Variants in PIP5K1B observed in about 807,000 individuals in gnomAD.
PIP5K1B encodes the protein phosphatidylinositol-4-phosphate 5-kinase type 1 beta, also known as phosphatidylinositol 4-phosphate 5-kinase type-1 beta.
Under a neutral mutation model 67.0 loss-of-function variants are expected in PIP5K1B, and 42 were observed. The ratio of observed to expected loss-of-function variants is 0.63; its 90% CI spans 0.49 to 0.81. The LOEUF (loss-of-function observed/expected upper bound fraction) is 0.81, where lower values mean the gene tolerates loss of function less well. PIP5K1B is among the 30% of genes least tolerant of loss of function. The probability of loss-of-function intolerance (pLI) is 0.00; values close to 1 mark genes in which losing one functional copy is unlikely to be tolerated. For missense variants in PIP5K1B, 459 were observed against 646.3 expected (o/e 0.71, Z 3.14); for synonymous variants, 214 against 231.4 (o/e 0.92, Z 0.68).
chr9:68,985,279 T>G (rs1478645805), intron 14 of PIP5K1B, among the ~76,000 whole-genome samples: 1 of 150,010 alleles, frequency 6.7e-6, no homozygotes. Context: ...TGAGACAGAG[T>G]CTCACTCTGT....
chr9:68,717,690 T>C (rs1254399531), intron 1 of PIP5K1B, among the ~76,000 whole-genome samples: 1 of 152,120 alleles, frequency 6.6e-6, no homozygotes, highest in Non-Finnish European at 1.5e-5. Context: ...AATACCATCA[T>C]CTTGGGGTTA....
At chr9:68,767,371 A>T (rs543811061) in intron 2 of PIP5K1B, among the ~76,000 whole-genome samples, 1 of 152,136 alleles carries the variant, frequency 6.6e-6, no homozygotes, top group Non-Finnish European at 1.5e-5. Context: ...AGGCGGGTGG[A>T]TCACTTAAGG....
intron 9 of PIP5K1B, 62 bp downstream of exon 9, chr9:68,917,821 T>A: frequency 8.3e-7 from 1 of 1,209,022 alleles, no homozygotes; most frequent in Non-Finnish European, 1.2e-6. Flanking sequence ...ACTGGGTAAT[T>A]ATAGACAGTC....
At chr9:68,713,399 CAAAAG>C (rs1202194577) in intron 1 of PIP5K1B, among the ~76,000 whole-genome samples, 2 of 152,146 alleles carry the variant, frequency 1.3e-5, no homozygotes, top group East Asian at 1.9e-4. Flanking sequence ...AACTCCGACT[CAAAAG>C]AAAAGAAAAG....
At chr9:68,957,452 G>T (rs889091678) in intron 14 of PIP5K1B, among the ~76,000 whole-genome samples, 1 of 152,132 alleles carries the variant, frequency 6.6e-6, no homozygotes, top group African/African-American at 2.4e-5. Flanking sequence ...CTAGGTTCAT[G>T]CCTATAACCC....
At chr9:68,967,876 T>A (rs1177509232) in intron 14 of PIP5K1B, among the ~76,000 whole-genome samples, 1 of 152,040 alleles carries the variant, frequency 6.6e-6, no homozygotes, top group Non-Finnish European at 1.5e-5. Flanking sequence ...AGTCAAAGGC[T>A]CACCCCCATG....
chr9:68,807,459 C>T (rs934660477), intron 2 of PIP5K1B, among the ~76,000 whole-genome samples: 4 of 152,234 alleles, frequency 2.6e-5, no homozygotes, highest in African/African-American at 9.6e-5. Flanking sequence ...TTTAACAGTT[C>T]TTCCTGCTTC....
chr9:68,909,740 C>T (rs553932648), intron 8 of PIP5K1B, among the ~76,000 whole-genome samples: 3 of 152,288 alleles, frequency 2.0e-5, no homozygotes, highest in East Asian at 3.9e-4. Context: ...AGATTTAGGT[C>T]TGACTTCATA....
intron 4 of PIP5K1B, among the ~76,000 whole-genome samples, chr9:68,851,007 C>T (rs939312278): frequency 2.0e-5 from 3 of 152,140 alleles, no homozygotes; most frequent in African/African-American, 7.2e-5. Flanking sequence ...GATGGCCTGT[C>T]TCTTTTTAGG....
At chr9:68,783,899 T>C (rs190233475) in intron 2 of PIP5K1B, 1 of 163,526 alleles carries the variant, frequency 6.1e-6, no homozygotes, top group African/African-American at 2.5e-5. Context: ...ATTTGCTTCC[T>C]GTTCTCATGA....
chr9:68,975,890 C>T (rs745411505), intron 14 of PIP5K1B, among the ~76,000 whole-genome samples: 2 of 152,080 alleles, frequency 1.3e-5, no homozygotes, highest in Non-Finnish European at 2.9e-5. Flanking sequence ...CCAGTCATAC[C>T]GAAGTAGGAC....
At chr9:68,781,333 T>G in intron 2 of PIP5K1B, 2 of 251,208 alleles carry the variant, frequency 8.0e-6, no homozygotes, top group Non-Finnish European at 1.6e-5. Context: ...CTGAGAGCTC[T>G]ATTTATTTAT....
intron 1 of PIP5K1B, among the ~76,000 whole-genome samples, chr9:68,712,142 A>T (rs1827422501): frequency 6.6e-6 from 1 of 152,170 alleles, no homozygotes; most frequent in African/African-American, 2.4e-5. Context: ...CATGGTAATG[A>T]GTGAGCTCTT....
intron 15 of PIP5K1B, 28 bp from the exon 16 acceptor site, chr9:69,008,419 C>T: frequency 6.2e-7 from 1 of 1,612,876 alleles, no homozygotes; most frequent in Non-Finnish European, 8.5e-7. Context: ...AAAATCTAGT[C>T]TCACACCTGC....
chr9:68,784,755 C>T (rs1300126515), intron 2 of PIP5K1B: 3 of 154,656 alleles, frequency 1.9e-5, no homozygotes, highest in Non-Finnish European at 4.4e-5. Context: ...CACCAGAGAA[C>T]AGAAGAAAGA....
intron 1 of PIP5K1B, among the ~76,000 whole-genome samples, chr9:68,713,354 G>A (rs1449141031): frequency 6.6e-6 from 1 of 152,102 alleles, no homozygotes; most frequent in African/African-American, 2.4e-5. Context: ...AGCCAAGATC[G>A]CACCATTGCA....
intron 13 of PIP5K1B, among the ~76,000 whole-genome samples, chr9:68,939,824 T>G (rs1384597351): frequency 6.6e-6 from 1 of 152,188 alleles, no homozygotes; most frequent in African/African-American, 2.4e-5. Flanking sequence ...AAATCTCTAA[T>G]TTTGAATTTG....
intron 12 of PIP5K1B, among the ~76,000 whole-genome samples, chr9:68,929,228 T>A (rs1212537301): frequency 6.7e-6 from 1 of 148,940 alleles, no homozygotes; most frequent in Non-Finnish European, 1.5e-5. Flanking sequence ...TGAAGCCATG[T>A]GGGTTTGGAG....
chr9:68,894,932 T>G (rs1432778965), intron 8 of PIP5K1B, among the ~76,000 whole-genome samples: 1 of 152,176 alleles, frequency 6.6e-6, no homozygotes, highest in Admixed American at 6.5e-5. Context: ...CTTTCTCCGC[T>G]GTGGGGAAGA....
Sources: allele counts gnomAD v4.1 joint callset (sites outside exome capture counted in the v4.1 genomes callset), GRCh38; gene constraint gnomAD v4.1.1; transcripts MANE v1.5; gene names NCBI Gene and HGNC (gene_info 2026-07-23, HGNC 2026-07-21).